SLC35F1: variants seen among roughly 807,000 people sequenced by gnomAD.
SLC35F1 encodes the protein solute carrier family 35 member F1, also known as chromosome 6 open reading frame 169.
SLC35F1 carries 14 observed loss-of-function variants against 48.7 expected under a neutral mutation model. The observed-to-expected ratio is 0.29, with a 90% confidence interval of 0.19 to 0.45. The LOEUF (loss-of-function observed/expected upper bound fraction) is 0.45, where lower values mean the gene tolerates loss of function less well. Among genes scored for constraint, SLC35F1 ranks in the 20% least tolerant of loss-of-function variants. SLC35F1 has a pLI of 1.00. For missense variants in SLC35F1, 404 were observed against 500.0 expected (o/e 0.81, Z 1.83); for synonymous variants, 190 against 202.2 (o/e 0.94, Z 0.51).
At chr6:118,194,503 T>C (rs1225849860) in intron 2 of SLC35F1, among the ~76,000 whole-genome samples, 2 of 152,126 alleles carry the variant, frequency 1.3e-5, no homozygotes, top group Non-Finnish European at 2.9e-5. Flanking sequence ...CAGCAAAATT[T>C]ATAACAGACC....
chr6:117,935,021 C>A (rs559781946), intron 1 of SLC35F1, among the ~76,000 whole-genome samples: 1 of 152,176 alleles, frequency 6.6e-6, no homozygotes, highest in African/African-American at 2.4e-5. Context: ...GCAGGAGAAT[C>A]GTTTGAACCT....
At chr6:118,247,238 G>T (rs544490141) in intron 3 of SLC35F1, among the ~76,000 whole-genome samples, 7 of 152,308 alleles carry the variant, frequency 4.6e-5, no homozygotes, top group Admixed American at 6.5e-5. Flanking sequence ...GAGACAAGGA[G>T]AAGGTTAGGA....
intron 2 of SLC35F1, among the ~76,000 whole-genome samples, chr6:118,227,922 T>G (rs1775239417): frequency 6.6e-6 from 1 of 152,164 alleles, no homozygotes; most frequent in Admixed American, 6.5e-5. Flanking sequence ...TTTCCACCCT[T>G]CTGTGCAGTT....
At chr6:118,150,049 T>G (rs906553076) in intron 1 of SLC35F1, among the ~76,000 whole-genome samples, 1 of 152,198 alleles carries the variant, frequency 6.6e-6, no homozygotes, top group East Asian at 1.9e-4. Context: ...ATAACCTAGT[T>G]TGCATCCAAA....
At position 117,923,611 on chromosome 6, in the gene SLC35F1, A is replaced by ATATGTACATATG. The variant is rs1250172345; in HGVS notation, c.173+15714_173+15715insTGTACATATGTA. Reference sequence around the variant, plus strand: ...TATATACATATGTGTATATATACATATACATATGTATATATACATATATGT... The same window carrying ATATGTACATATG: ...TATATACATATGTGTATATATACATATATGTACATATGTACATATGTATATATACATATATGT... On this transcript the variant is annotated intron_variant, in intron 1 of 7. Transcript: ENST00000360388. 1.0e-4 allele frequency among the ~76,000 whole-genome samples: 2 copies of ATATGTACATATG among 19,880 alleles called. 1 individual carries two copies. The highest frequency in any genetic ancestry group is 7.1e-4 in the African/African-American group (2 of 2,814). The allele number at this position is 19,880 out of a possible 152,430, so 13.0% of individuals were successfully genotyped here. A position where few individuals can be genotyped will look rare whatever the true frequency, so the allele number is the denominator to read the frequency against.
intron 2 of SLC35F1, among the ~76,000 whole-genome samples, chr6:118,193,943 T>C (rs1774766892): frequency 6.6e-6 from 1 of 152,236 alleles, no homozygotes; most frequent in Non-Finnish European, 1.5e-5. Flanking sequence ...AACTTTTTAT[T>C]TCTCAAAGAT....
At chr6:117,995,951 T>C (rs1371453510) in intron 1 of SLC35F1, among the ~76,000 whole-genome samples, 1 of 152,170 alleles carries the variant, frequency 6.6e-6, no homozygotes, top group Non-Finnish European at 1.5e-5. Flanking sequence ...TACTATTGAA[T>C]AAATTGTCAA....
At chr6:118,169,562 G>A (rs138537867) in intron 2 of SLC35F1, among the ~76,000 whole-genome samples, 318 of 152,128 alleles carry the variant, frequency 2.1e-3, no homozygotes, top group Non-Finnish European at 3.4e-3. Flanking sequence ...GCGCTCTCTC[G>A]ATCCACATCA....
At chr6:117,941,619 A>G (rs528008928) in intron 1 of SLC35F1, among the ~76,000 whole-genome samples, 6 of 152,322 alleles carry the variant, frequency 3.9e-5, no homozygotes, top group African/African-American at 1.2e-4. Context: ...CTTTTATACA[A>G]TATTATATTT....
At chr6:118,212,500 G>A (rs1274478966) in intron 2 of SLC35F1, among the ~76,000 whole-genome samples, 1 of 152,006 alleles carries the variant, frequency 6.6e-6, no homozygotes, top group Non-Finnish European at 1.5e-5. Flanking sequence ...GACCACCCTG[G>A]CCAACATGGT....
At chr6:118,149,701 T>A (rs1239725857) in intron 1 of SLC35F1, among the ~76,000 whole-genome samples, 1 of 152,164 alleles carries the variant, frequency 6.6e-6, no homozygotes, top group Non-Finnish European at 1.5e-5. Flanking sequence ...GTATTCTCCA[T>A]CAAATCACAC....
chr6:118,055,303 C>T (rs1772448198), intron 1 of SLC35F1, among the ~76,000 whole-genome samples: 1 of 152,064 alleles, frequency 6.6e-6, no homozygotes, highest in Admixed American at 6.6e-5. Context: ...TTTGGTTTAT[C>T]AATGACTCGG....
intron 1 of SLC35F1, among the ~76,000 whole-genome samples, chr6:117,919,365 C>G (rs1330644438): frequency 6.6e-6 from 1 of 152,134 alleles, no homozygotes; most frequent in East Asian, 1.9e-4. Flanking sequence ...TTTTCATTTC[C>G]CCTTGGATGT....
At chr6:118,256,045 C>T (rs1340839873) in intron 3 of SLC35F1, among the ~76,000 whole-genome samples, 3 of 152,132 alleles carry the variant, frequency 2.0e-5, no homozygotes, top group Admixed American at 2.0e-4. Context: ...AAATATACTA[C>T]TCCCTGGAAT....
chr6:118,277,592 A>G (rs889479345), intron 6 of SLC35F1, 46 bp downstream of exon 6: 1 of 1,558,008 alleles, frequency 6.4e-7, no homozygotes. Context: ...AACCTGAGAA[A>G]TGTGTTTGAA....
intron 1 of SLC35F1, among the ~76,000 whole-genome samples, chr6:117,935,442 A>T (rs566687918): frequency 1.3e-3 from 192 of 152,340 alleles, no homozygotes; most frequent in African/African-American, 4.2e-3. Context: ...GATTAATACA[A>T]ACCTTTTTAA....
At chr6:118,202,222 C>A (rs912684444) in intron 2 of SLC35F1, among the ~76,000 whole-genome samples, 1 of 152,074 alleles carries the variant, frequency 6.6e-6, no homozygotes, top group African/African-American at 2.4e-5. Flanking sequence ...GGAGCAGGTG[C>A]AGTAGTTTAT....
chr6:118,078,151 A>T (rs921205533), intron 1 of SLC35F1, among the ~76,000 whole-genome samples: 2 of 152,138 alleles, frequency 1.3e-5, no homozygotes, highest in Non-Finnish European at 2.9e-5. Flanking sequence ...AAATTCATGG[A>T]TGAGAGAAAT....
intron 3 of SLC35F1, among the ~76,000 whole-genome samples, chr6:118,240,253 A>C (rs1323438134): frequency 6.6e-6 from 1 of 152,226 alleles, no homozygotes; most frequent in Non-Finnish European, 1.5e-5. Flanking sequence ...AAGTGCTATG[A>C]TTTTCAAAGG....
Sources: allele counts gnomAD v4.1 joint callset (sites outside exome capture counted in the v4.1 genomes callset), GRCh38; gene constraint gnomAD v4.1.1; transcripts MANE v1.5; gene names NCBI Gene and HGNC (gene_info 2026-07-23, HGNC 2026-07-21).